The following UBR2 variants were observed in gnomAD, a reference collection of about 807,000 sequenced individuals.
UBR2 encodes ubiquitin protein ligase E3 component n-recognin 2, also known as E3 ubiquitin-protein ligase UBR2.
In UBR2, 92 loss-of-function variants were observed where a neutral mutation model predicts 247.9. That is an observed-to-expected ratio of 0.37 (90% CI 0.31 to 0.44). The LOEUF (loss-of-function observed/expected upper bound fraction) is 0.44, where lower values mean the gene tolerates loss of function less well. UBR2 is among the 20% of genes least tolerant of loss of function. The pLI is 1.00. For synonymous variants in UBR2, 672 were observed against 693.5 expected, an observed-to-expected ratio of 0.97 and a Z score of 0.49; for missense variants, 1,613 against 2,112.6, an observed-to-expected ratio of 0.76 and a Z score of 4.64.
intron 31 of UBR2, among the ~76,000 whole-genome samples, 187 bp from the exon 32 acceptor site, chr6:42,663,071 C>A (rs1455383899): frequency 6.6e-6 from 1 of 150,972 alleles, no homozygotes; most frequent in Non-Finnish European, 1.5e-5. Flanking sequence ...TTTTATTTTA[C>A]TCTTTTAGAA....
chr6:42,686,544 C>A (rs183886797), intron 44 of UBR2, among the ~76,000 whole-genome samples: 2 of 152,168 alleles, frequency 1.3e-5, no homozygotes, highest in Non-Finnish European at 2.9e-5. Context: ...CTTTTCTATT[C>A]GACAAAACCG....
intron 25 of UBR2, among the ~76,000 whole-genome samples, chr6:42,653,697 C>T (rs936669737): frequency 2.4e-5 from 3 of 125,578 alleles, no homozygotes; most frequent in Non-Finnish European, 3.1e-5. Context: ...CTCACTGCAA[C>T]TTCTGCCTCC....
chr6:42,586,969 G>A (rs1238034596), intron 2 of UBR2, among the ~76,000 whole-genome samples: 6 of 151,096 alleles, frequency 4.0e-5, no homozygotes, highest in East Asian at 1.9e-4. Flanking sequence ...TACAGGCACC[G>A]CCACCACGCC....
Position 42,564,395 on chromosome 6 carries a change from G to C in UBR2, c.76G>C (p.Gly26Arg), listed in dbSNP as rs767462564. The change falls in exon 1 of 47, where the codon GGG becomes CGG. Residue 26 changes from glycine to arginine, a missense_variant and splice_region_variant. Transcript: ENST00000372901. ...GGAATGTTCGGCCGAGGAGATTGCG[G>C]GGGTGAGTGCCGGAACCCGGGCGGG... ...LLECSAEEIA[G>R]KWLQATDLTR... The C allele has an allele frequency of 6.2e-7, 1 of 1,609,626 alleles. No homozygotes were observed. Among genetic ancestry groups the C allele is most frequent in the Non-Finnish European group, 8.5e-7 (1 of 1,178,288 alleles).
intron 2 of UBR2, among the ~76,000 whole-genome samples, chr6:42,578,096 A>C (rs1319478881): frequency 6.6e-6 from 1 of 152,076 alleles, no homozygotes; most frequent in Non-Finnish European, 1.5e-5. Context: ...TGGTCATGAC[A>C]GTTGAGATTA....
intron 2 of UBR2, among the ~76,000 whole-genome samples, chr6:42,580,792 C>T (rs1289332458): frequency 4.6e-5 from 7 of 152,192 alleles, no homozygotes; most frequent in African/African-American, 1.2e-4. Flanking sequence ...CTGCCCACCT[C>T]GGCCTCTCAA....
intron 34 of UBR2, among the ~76,000 whole-genome samples, chr6:42,667,868 C>T (rs1798212433): frequency 1.3e-5 from 2 of 151,330 alleles, no homozygotes; most frequent in African/African-American, 2.4e-5. Context: ...AAACAATTCT[C>T]CTGCCTCAGC....
At chr6:42,634,754 C>T (rs1795981463) in intron 13 of UBR2, among the ~76,000 whole-genome samples, 1 of 152,220 alleles carries the variant, frequency 6.6e-6, no homozygotes, top group Non-Finnish European at 1.5e-5. Context: ...CATGTCTGGC[C>T]TGACTTACCA....
intron 1 of UBR2, among the ~76,000 whole-genome samples, chr6:42,566,446 G>T (rs1006947805): frequency 6.6e-6 from 1 of 152,118 alleles, no homozygotes; most frequent in Non-Finnish European, 1.5e-5. Flanking sequence ...GTGCAATGGC[G>T]CAATCTTGGC....
intron 22 of UBR2, among the ~76,000 whole-genome samples, chr6:42,649,538 C>G (rs554769407): frequency 3.3e-5 from 5 of 151,802 alleles, no homozygotes; most frequent in Non-Finnish European, 7.4e-5. Context: ...AAAAAGTCCT[C>G]GATTTACACT....
At chr6:42,581,337 G>C (rs111465180) in intron 2 of UBR2, among the ~76,000 whole-genome samples, 2 of 151,998 alleles carry the variant, frequency 1.3e-5, no homozygotes, top group South Asian at 2.1e-4. Flanking sequence ...TTACAGGCAC[G>C]CACCACCATG....
At chr6:42,622,783 A>T (rs1301223208) in intron 11 of UBR2, among the ~76,000 whole-genome samples, 1 of 150,588 alleles carries the variant, frequency 6.6e-6, no homozygotes, top group Non-Finnish European at 1.5e-5. Flanking sequence ...TCATTTGTGT[A>T]TATCAGCCAT....
intron 4 of UBR2, among the ~76,000 whole-genome samples, chr6:42,600,625 C>CAAAAAAAA (rs71680032): frequency 7.5e-5 from 8 of 106,164 alleles, no homozygotes; most frequent in East Asian, 5.6e-4. Context: ...GTTACTGTAG[C>CAAAAAAAA]AAAAAAAAAA....
chr6:42,679,847 CT>C lies in UBR2; in HGVS notation c.4718+19del. ...CTGATTGAAAGGTAATGATTATATA[CT>C]TTTCTTTGTTGTATTAAATAGCTCT... is the stretch of plus-strand genomic sequence containing the variant. On this transcript the variant is annotated intron_variant, in intron 42 of 46. Transcript: ENST00000372901. The C allele has an allele frequency of 6.4e-7, 1 of 1,574,356 alleles. No homozygotes were observed. The highest frequency in any genetic ancestry group is 8.7e-7 in the Non-Finnish European group (1 of 1,151,296).
chr6:42,675,087 C>G (rs1798645711), intron 38 of UBR2, among the ~76,000 whole-genome samples: 1 of 152,070 alleles, frequency 6.6e-6, no homozygotes, highest in African/African-American at 2.4e-5. Context: ...TGGTTAGTAC[C>G]TACTTTATAT....
intron 15 of UBR2, among the ~76,000 whole-genome samples, 191 bp downstream of exon 15, chr6:42,637,385 G>A (rs140456685): frequency 2.0e-5 from 3 of 152,288 alleles, no homozygotes; most frequent in Non-Finnish European, 2.9e-5. Flanking sequence ...GGAAGACAGA[G>A]GCATAGAGAG....
chr6:42,609,136 A>G (rs1793902600), intron 7 of UBR2, among the ~76,000 whole-genome samples: 1 of 152,246 alleles, frequency 6.6e-6, no homozygotes, highest in Admixed American at 6.5e-5. Context: ...CTGGGAATAC[A>G]TGCTTAACAA....
chr6:42,640,277 G>C lies in UBR2; in HGVS notation c.1920+7G>C, dbSNP rs773599606. On this transcript the variant is annotated splice_region_variant and intron_variant, in intron 16 of 46. Transcript: ENST00000372901. Reference sequence around the variant, plus strand: ...TCCAGAGCTCCTACCTCTAGTAAGTGGTGCTTACATTTAAAAGTGAATACT... The same window carrying C: ...TCCAGAGCTCCTACCTCTAGTAAGTCGTGCTTACATTTAAAAGTGAATACT... 1 of 1,589,844 alleles carries C rather than the reference G, an allele frequency of 6.3e-7. No individual in the cohort carries two copies. The highest frequency in any genetic ancestry group is 8.5e-7 in the Non-Finnish European group (1 of 1,171,534).
chr6:42,678,421 C>CA, intron 40 of UBR2, 118 bp from the exon 41 acceptor site: 1 of 1,161,352 alleles, frequency 8.6e-7, no homozygotes, highest in South Asian at 1.8e-5. Flanking sequence ...CCTGTTAACT[C>CA]ACAACTTTTA....
Sources: allele counts gnomAD v4.1 joint callset (sites outside exome capture counted in the v4.1 genomes callset), GRCh38; gene constraint gnomAD v4.1.1; transcripts MANE v1.5; gene names NCBI Gene and HGNC (gene_info 2026-07-23, HGNC 2026-07-21).